PIK3R1: variants seen among roughly 807,000 people sequenced by gnomAD.
PIK3R1 encodes the protein phosphatidylinositol 3-kinase regulatory subunit alpha.
A neutral mutation model predicts 98.0 loss-of-function variants in PIK3R1; 29 were observed. The observed-to-expected ratio is 0.30, with a 90% confidence interval of 0.22 to 0.40. PIK3R1 has a LOEUF of 0.40. Ranked by LOEUF, PIK3R1 falls within the 10% of genes least tolerant of loss-of-function variation. The pLI, the probability that PIK3R1 is intolerant of heterozygous loss-of-function variation, is 1.00. For missense variants in PIK3R1, 596 were observed against 872.7 expected (o/e 0.68, Z 3.99); for synonymous variants, 282 against 311.8 (o/e 0.90, Z 1.01).
chr5:68,232,832 C>T (rs1407003771), intron 2 of PIK3R1, among the ~76,000 whole-genome samples: 2 of 152,160 alleles, frequency 1.3e-5, no homozygotes, highest in Non-Finnish European at 2.9e-5. Flanking sequence ...AAGTAAAGCC[C>T]TCACACACCT....
rs549753563 is a variant in PIK3R1 at position 68,241,256 on chromosome 5, A to G, written c.334+14247A>G. 2.0e-5 allele frequency among the ~76,000 whole-genome samples: 3 copies of G among 152,294 alleles called. No homozygotes were observed. In the South Asian group the frequency reaches 6.2e-4, roughly 32 times the overall value. On this transcript the variant is annotated intron_variant, in intron 2 of 15. Transcript: ENST00000521381. The stretch of plus-strand genomic sequence containing the variant: ...TTTGTTTATAAGGTTTAAAAAGAAG[A>G]GTTGATACTTAATAGTTTTAGTAAA...
chr5:68,227,588 T>C (rs1402656780), intron 2 of PIK3R1, among the ~76,000 whole-genome samples: 1 of 152,204 alleles, frequency 6.6e-6, no homozygotes, highest in Non-Finnish European at 1.5e-5. Flanking sequence ...TAAGTATATT[T>C]AACATGATTT....
chr5:68,259,657 G>A lies in PIK3R1; in HGVS notation c.335-13733G>A, dbSNP rs567649890. 2.6e-5 allele frequency among the ~76,000 whole-genome samples: 4 copies of A among 152,312 alleles called. No individual in the cohort carries two copies. The South Asian group carries it at 8.3e-4, about 32-fold the overall frequency. On this transcript the variant is annotated intron_variant, in intron 2 of 15. Transcript: ENST00000521381. ...TAAGTAGAGAAATGGATCAAAGAGT[G>A]GCTATTCTTGGACTCTCTACTTTCC...
chr5:68,233,558 C>A (rs531957781), intron 2 of PIK3R1, among the ~76,000 whole-genome samples: 1 of 152,276 alleles, frequency 6.6e-6, no homozygotes, highest in South Asian at 2.1e-4. Flanking sequence ...GAATATCAGA[C>A]TACTTTATAA....
chr5:68,228,160 G>A (rs899613694), intron 2 of PIK3R1, among the ~76,000 whole-genome samples: 1 of 152,172 alleles, frequency 6.6e-6, no homozygotes, highest in African/African-American at 2.4e-5. Flanking sequence ...GACCTGACTG[G>A]CATCACAGGA....
At chr5:68,223,157 A>ATCG (rs1170427541) in intron 1 of PIK3R1, among the ~76,000 whole-genome samples, 3 of 149,122 alleles carry the variant, frequency 2.0e-5, no homozygotes, top group Non-Finnish European at 4.4e-5. Flanking sequence ...CATCATCATC[A>ATCG]TCATCATCAT....
chr5:68,235,504 A>G (rs1163379222), intron 2 of PIK3R1, among the ~76,000 whole-genome samples: 1 of 151,990 alleles, frequency 6.6e-6, no homozygotes, highest in East Asian at 1.9e-4. Flanking sequence ...TTTTTTTTGC[A>G]TTCTTGTTTC....
Position 68,227,014 on chromosome 5 carries a change from G to T in PIK3R1, c.334+5G>T. On this transcript the variant is annotated splice_donor_5th_base_variant and intron_variant, in intron 2 of 15. Coordinates refer to ENST00000521381, the MANE Select transcript of PIK3R1 (RefSeq NM_181523.3). ...AAGCAGATGTTGAACAACAAGGTCAGTATTGATAAGTGGTTGCTTAATGAC... is the reference window on the plus strand; with the variant it reads ...AAGCAGATGTTGAACAACAAGGTCATTATTGATAAGTGGTTGCTTAATGAC... 1 of 1,592,048 alleles carries T rather than the reference G, an allele frequency of 6.3e-7. No homozygotes were observed. The highest frequency in any genetic ancestry group is 8.5e-7 in the Non-Finnish European group (1 of 1,170,384).
At chr5:68,244,163 A>T (rs1387456955) in intron 2 of PIK3R1, among the ~76,000 whole-genome samples, 1 of 152,210 alleles carries the variant, frequency 6.6e-6, no homozygotes, top group Non-Finnish European at 1.5e-5. Context: ...TTTAAACTGA[A>T]ATAATGTAAC....
At chr5:68,262,860 CATGTATACATGTAGATACATGTAGAT>C (rs1745896816) in intron 2 of PIK3R1, among the ~76,000 whole-genome samples, 1 of 119,652 alleles carries the variant, frequency 8.4e-6, no homozygotes, top group Non-Finnish European at 1.7e-5. Context: ...CATGTAGATA[CATGTATACATGTAGATACATGTAGAT>C]ACATGTATAC....
chr5:68,275,774 A>C lies in PIK3R1; in HGVS notation c.502+1761A>C, dbSNP rs560980762. On this transcript the variant is annotated intron_variant, in intron 4 of 15. Coordinates refer to ENST00000521381, the MANE Select transcript of PIK3R1 (RefSeq NM_181523.3). ...GTTTCCAACTCAAAGATTTTTCAAT[A>C]CATAAAAACATTGTATAATATCCTG... 9.8e-5 allele frequency among the ~76,000 whole-genome samples: 15 copies of C among 152,340 alleles called. 1 individual carries two copies. In the South Asian group the frequency reaches 2.9e-3, roughly 29 times the overall value.
At chr5:68,258,352 T>G (rs1232435539) in intron 2 of PIK3R1, among the ~76,000 whole-genome samples, 3 of 151,900 alleles carry the variant, frequency 2.0e-5, no homozygotes, top group African/African-American at 7.2e-5. Context: ...GACTTTGAAT[T>G]TGAGGATCCT....
chr5:68,245,148 T>C (rs940961415), intron 2 of PIK3R1, among the ~76,000 whole-genome samples: 1 of 152,244 alleles, frequency 6.6e-6, no homozygotes, highest in Non-Finnish European at 1.5e-5. Flanking sequence ...TAGCTATCTC[T>C]TATTTTCTAA....
chr5:68,238,561 TAAAA>T (rs533784404), intron 2 of PIK3R1, among the ~76,000 whole-genome samples: 4 of 151,528 alleles, frequency 2.6e-5, no homozygotes. Flanking sequence ...AGTGAAACAA[TAAAA>T]AAAAGACTAA....
intron 2 of PIK3R1, among the ~76,000 whole-genome samples, chr5:68,261,449 T>C (rs1745743434): frequency 1.3e-5 from 2 of 152,200 alleles, no homozygotes; most frequent in South Asian, 4.1e-4. Context: ...TTTCAATTGC[T>C]TTTTATTTGA....
chr5:68,227,285 A>G (rs1403119640), intron 2 of PIK3R1, among the ~76,000 whole-genome samples: 1 of 152,224 alleles, frequency 6.6e-6, no homozygotes, highest in Admixed American at 6.5e-5. Context: ...ATTGAATTAA[A>G]CATCTACTAT....
intron 4 of PIK3R1, among the ~76,000 whole-genome samples, chr5:68,278,082 A>T (rs897142192): frequency 6.6e-6 from 1 of 151,950 alleles, no homozygotes; most frequent in Non-Finnish European, 1.5e-5. Flanking sequence ...CTTTGTTTCT[A>T]GCATCCCTTT....
chr5:68,232,235 T>G (rs1744504381), intron 2 of PIK3R1, among the ~76,000 whole-genome samples: 1 of 152,254 alleles, frequency 6.6e-6, no homozygotes, highest in Non-Finnish European at 1.5e-5. Context: ...TGAGCATTTA[T>G]ATTCTCAATA....
intron 2 of PIK3R1, among the ~76,000 whole-genome samples, chr5:68,250,162 T>TGTTG: frequency 6.6e-6 from 1 of 152,210 alleles, no homozygotes; most frequent in Non-Finnish European, 1.5e-5. Context: ...CTTGCTCCTC[T>TGTTG]CCAGCTCACT....
Sources: gnomAD v4.1 joint callset for allele counts (sites outside exome capture counted in the v4.1 genomes callset) on GRCh38, gnomAD v4.1.1 for gene constraint, MANE v1.5 for transcripts, NCBI Gene and HGNC (gene_info 2026-07-23, HGNC 2026-07-21) for gene names.